SLC41A2: variants seen among roughly 807,000 people sequenced by gnomAD.
SLC41A2 encodes the protein solute carrier family 41 member 2.
In SLC41A2, 32 loss-of-function variants were observed where a neutral mutation model predicts 58.3. That is an observed-to-expected ratio of 0.55 (90% CI 0.41 to 0.74). The LOEUF (loss-of-function observed/expected upper bound fraction) is 0.74. Ranked by LOEUF, SLC41A2 falls within the 30% of genes least tolerant of loss-of-function variation. SLC41A2 has a pLI of 0.00. For missense variants in SLC41A2, 514 were observed against 680.6 expected (o/e 0.76, Z 2.72); for synonymous variants, 190 against 235.0 (o/e 0.81, Z 1.75).
At chr12:104,844,364 A>G in intron 10 of SLC41A2, 108 bp downstream of exon 10, 1 of 654,216 alleles carries the variant, frequency 1.5e-6, no homozygotes, top group South Asian at 4.9e-5. Flanking sequence ...GAAGATGTTC[A>G]GTTGATTTTT....
chr12:104,916,430 A>T (rs993411515), intron 2 of SLC41A2, among the ~76,000 whole-genome samples: 1 of 152,158 alleles, frequency 6.6e-6, no homozygotes, highest in African/African-American at 2.4e-5. Flanking sequence ...TGCCATCCCC[A>T]TCAAGCTACC....
chr12:104,816,962 G>A (rs1383805317), intron 10 of SLC41A2, among the ~76,000 whole-genome samples: 1 of 152,142 alleles, frequency 6.6e-6, no homozygotes, highest in Non-Finnish European at 1.5e-5. Flanking sequence ...ATTATGCTTT[G>A]CTTAATAACA....
chr12:104,885,087 C>A (rs11112224), intron 6 of SLC41A2, among the ~76,000 whole-genome samples: 1 of 151,792 alleles, frequency 6.6e-6, no homozygotes, highest in Non-Finnish European at 1.5e-5. Context: ...CCTTAATATA[C>A]TTAAACATGT....
chr12:104,928,564 CA>C lies in SLC41A2; in HGVS notation c.-38del. On this transcript the variant is annotated 5_prime_UTR_variant, in exon 2 of 11. Transcript: ENST00000258538. ...AAAAGACCCTGTACTCCTTAGATCTCAAGCTTCGGGAACCACAGCAGATGAA... is the reference window on the plus strand; with the variant it reads ...AAAAGACCCTGTACTCCTTAGATCTCAGCTTCGGGAACCACAGCAGATGAA... 1 of 1,351,818 alleles carries C rather than the reference CA, an allele frequency of 7.4e-7. No homozygotes were observed. The highest frequency in any genetic ancestry group is 1.9e-5 in the South Asian group (1 of 52,692). 83.7% of individuals were successfully genotyped at this position (1,351,818 alleles called of 1,614,324 possible).
intron 1 of SLC41A2, among the ~76,000 whole-genome samples, chr12:104,957,740 C>T (rs1008195559): frequency 7.2e-5 from 11 of 152,206 alleles, no homozygotes; most frequent in African/African-American, 2.7e-4. Context: ...TGTGCCCGAG[C>T]CAGCCTCGCA....
chr12:104,924,386 C>A (rs1565905165), intron 2 of SLC41A2, among the ~76,000 whole-genome samples: 1 of 152,190 alleles, frequency 6.6e-6, no homozygotes, highest in Admixed American at 6.5e-5. Context: ...ATCTCCATAT[C>A]CTAAGACCTG....
In SLC41A2 at chr12:104,854,267, T is replaced by C. The variant is rs190099898; in HGVS notation, c.1255+7024A>G. 2.0e-3 allele frequency among the ~76,000 whole-genome samples: 303 copies of C among 151,930 alleles called. 1 individual carries two copies. Among genetic ancestry groups the C allele is most frequent in the African/African-American group, 6.4e-3 (265 of 41,454 alleles). ...AAAAGGTGATGATGAAAATAAAAGA[T>C]TGAAAAACACCGCCGGCTGGGCGTG... is the stretch of plus-strand genomic sequence containing the variant. On this transcript the variant is annotated intron_variant, in intron 8 of 10. Coordinates refer to ENST00000258538, the MANE Select transcript of SLC41A2 (RefSeq NM_001352171.3).
At chr12:104,853,924 T>TTTA (rs1565842723) in intron 8 of SLC41A2, among the ~76,000 whole-genome samples, 2 of 136,658 alleles carry the variant, frequency 1.5e-5, no homozygotes, top group Non-Finnish European at 3.2e-5. Context: ...TTTTTTTTTT[T>TTTA]TTTTTTTTTT....
At chr12:104,867,635 T>C (rs1407400904) in intron 6 of SLC41A2, among the ~76,000 whole-genome samples, 1 of 151,734 alleles carries the variant, frequency 6.6e-6, no homozygotes, top group Admixed American at 6.6e-5. Context: ...TTTTTCCATA[T>C]CATGTAGGAA....
intron 8 of SLC41A2, among the ~76,000 whole-genome samples, chr12:104,853,911 A>ATTATTATTATTATTATTATTTTTTT: frequency 8.4e-5 from 5 of 59,494 alleles, no homozygotes; most frequent in Non-Finnish European, 1.6e-4. Flanking sequence ...TGCCTGGCTG[A>ATTATTATTATTATTATTATTTTTTT]TTTTTTTTTT....
At chr12:104,905,215 G>T (rs2045774600) in intron 3 of SLC41A2, among the ~76,000 whole-genome samples, 1 of 152,110 alleles carries the variant, frequency 6.6e-6, no homozygotes, top group African/African-American at 2.4e-5. Context: ...GTGCTGATTG[G>T]TGTGTTTACA....
chr12:104,955,717 G>C (rs1342691688), intron 1 of SLC41A2, among the ~76,000 whole-genome samples: 1 of 149,394 alleles, frequency 6.7e-6, no homozygotes, highest in Non-Finnish European at 1.5e-5. Flanking sequence ...GGAAAATTGA[G>C]TTTGAATTCC....
At chr12:104,893,696 C>T (rs1235404173) in intron 4 of SLC41A2, among the ~76,000 whole-genome samples, 1 of 152,178 alleles carries the variant, frequency 6.6e-6, no homozygotes, top group Non-Finnish European at 1.5e-5. Context: ...TGATATCTGT[C>T]ATTTGTAACA....
chr12:104,889,087 T>C lies in SLC41A2; in HGVS notation c.826A>G (p.Ile276Val). The change falls in exon 5 of 11, where the codon ATA becomes GTA. Residue 276 changes from isoleucine (I) to valine (V), a missense_variant. Around this residue, in one of 3 missense-constraint regions of SLC41A2, gnomAD observed 336 missense variants for 430.0 expected, o/e 0.78. Coordinates refer to ENST00000258538, the MANE Select transcript of SLC41A2 (RefSeq NM_001352171.3). ...PEGKYYLDHS[I>V]LLCSSSVATA... ...GCCACACTGCTAGAGCACAGAAGTA[T>C]GGAATGATCAAGGTAATATTTTCCT... 3 of 1,610,698 alleles carry C rather than the reference T, an allele frequency of 1.9e-6. No homozygotes were observed. Among genetic ancestry groups the C allele is most frequent in the Non-Finnish European group, 2.5e-6 (3 of 1,179,208 alleles).
chr12:104,936,051 A>T (rs1172284394), intron 1 of SLC41A2, among the ~76,000 whole-genome samples: 4 of 151,690 alleles, frequency 2.6e-5, no homozygotes, highest in African/African-American at 4.8e-5. Context: ...AAAAAAAAAA[A>T]AAAATTCCTG....
At chr12:104,916,799 C>T (rs1226793054) in intron 2 of SLC41A2, among the ~76,000 whole-genome samples, 1 of 152,156 alleles carries the variant, frequency 6.6e-6, no homozygotes, top group African/African-American at 2.4e-5. Flanking sequence ...GGATCCCTTC[C>T]TTACACCTTA....
At position 104,955,108 on chromosome 12, in the gene SLC41A2, T is replaced by C. The variant is rs527465690; in HGVS notation, c.-168+2980A>G. On this transcript the variant is annotated intron_variant, in intron 1 of 10. Coordinates refer to ENST00000258538, the MANE Select transcript of SLC41A2 (RefSeq NM_001352171.3). ...GTTCACTGCAACTTCCACCACCTCC[T>C]GGGTTCAAGCAATTCTCCTGCCTCA... is the stretch of plus-strand genomic sequence containing the variant. 8.2e-5 allele frequency among the ~76,000 whole-genome samples: 12 copies of C among 145,572 alleles called. No homozygotes were observed. The East Asian group carries it at 2.6e-3, about 32-fold the overall frequency.
chr12:104,958,412 G>C (rs545254201), upstream of SLC41A2: 102 of 150,984 alleles, frequency 6.8e-4, no homozygotes, highest in African/African-American at 2.2e-3. Flanking sequence ...TGTGGCCCGC[G>C]GGGCGGCGAC....
intron 10 of SLC41A2, among the ~76,000 whole-genome samples, chr12:104,810,015 T>A (rs1329079521): frequency 6.6e-6 from 1 of 152,168 alleles, no homozygotes. Context: ...GCAAATCAGC[T>A]TGAGACAGTG....
Sources: allele counts gnomAD v4.1 joint callset (sites outside exome capture counted in the v4.1 genomes callset), GRCh38; gene constraint gnomAD v4.1.1; regional missense constraint gnomAD v4.1.1; transcripts MANE v1.5; gene names NCBI Gene and HGNC (gene_info 2026-07-23, HGNC 2026-07-21).